NPAS3: variants seen among roughly 807,000 people sequenced by gnomAD.
NPAS3 encodes the protein neuronal PAS domain-containing protein 3.
Under a neutral mutation model 73.1 loss-of-function variants are expected in NPAS3, and 14 were observed. The observed-to-expected ratio is 0.19, with a 90% confidence interval of 0.13 to 0.30. The LOEUF (loss-of-function observed/expected upper bound fraction) is 0.30, where lower values mean the gene tolerates loss of function less well. Among genes scored for constraint, NPAS3 ranks in the 10% least tolerant of loss-of-function variants. The pLI, the probability that NPAS3 is intolerant of heterozygous loss-of-function variation, is 1.00. For missense variants in NPAS3, 1,096 were observed against 1,250.0 expected (o/e 0.88, Z 1.86); for synonymous variants, 620 against 541.5 (o/e 1.14, Z -2.01).
intron 4 of NPAS3, among the ~76,000 whole-genome samples, chr14:33,454,960 G>A (rs1257376881): frequency 2.0e-5 from 3 of 152,186 alleles, no homozygotes; most frequent in African/African-American, 7.2e-5. Context: ...TGGAGCTGGA[G>A]CAAGACCTGA....
At chr14:33,408,952 T>C (rs188655630) in intron 4 of NPAS3, among the ~76,000 whole-genome samples, 1 of 152,310 alleles carries the variant, frequency 6.6e-6, no homozygotes, top group Admixed American at 6.5e-5. Context: ...GATACAGAGC[T>C]TTATTTTTGG....
At position 33,694,592 on chromosome 14, in the gene NPAS3, C is replaced by T. The variant is rs938791312; in HGVS notation, c.733+18207C>T. 2.6e-4 allele frequency among the ~76,000 whole-genome samples: 39 copies of T among 152,060 alleles called. 1 individual carries two copies. Among genetic ancestry groups the T allele is most frequent in the African/African-American group, 8.0e-4 (33 of 41,404 alleles). The stretch of plus-strand genomic sequence containing the variant: ...CTTATTTCTTGGTGTCTTCACAGGT[C>T]GACCTGCCCTTTATTTTTTTACAAA... On this transcript the variant is annotated intron_variant, in intron 6 of 11. Coordinates refer to ENST00000356141, the Ensembl canonical transcript of NPAS3.
At chr14:33,613,077 G>A (rs1413893249) in intron 5 of NPAS3, among the ~76,000 whole-genome samples, 3 of 152,168 alleles carry the variant, frequency 2.0e-5, no homozygotes, top group Non-Finnish European at 2.9e-5. Context: ...AATTCAACAT[G>A]TATTTCAATG....
intron 3 of NPAS3, among the ~76,000 whole-genome samples, chr14:33,287,657 C>T (rs917735418): frequency 4.6e-5 from 7 of 152,202 alleles, no homozygotes; most frequent in African/African-American, 9.6e-5. Context: ...ATCTACATCA[C>T]GCTTTAAGTC....
intron 6 of NPAS3, among the ~76,000 whole-genome samples, chr14:33,705,316 T>G (rs1191570586): frequency 6.6e-6 from 1 of 152,188 alleles, no homozygotes; most frequent in African/African-American, 2.4e-5. Context: ...TCTACACAGT[T>G]AGTTCATTGG....
intron 1 of NPAS3, among the ~76,000 whole-genome samples, chr14:33,017,309 C>G (rs1410387998): frequency 6.6e-6 from 1 of 152,088 alleles, no homozygotes; most frequent in Non-Finnish European, 1.5e-5. Context: ...CCAGGCTAAC[C>G]TCATTTCCTT....
At position 33,502,629 on chromosome 14, in the gene NPAS3, T is replaced by A. The variant is rs755533182; in HGVS notation, c.469-57492T>A. Among the ~76,000 whole-genome samples, 549 of 150,008 alleles carry A rather than the reference T, an allele frequency of 3.7e-3. 1 individual carries two copies. The highest frequency in any genetic ancestry group is 0.01 in the Middle Eastern group (3 of 294). On this transcript the variant is annotated intron_variant, in intron 4 of 11. Transcript: ENST00000356141. ...ACCTCTGCTTACCCCTGTTATGAAG[T>A]AGTATTTTTGTTTTTCTTCTTCAAC...
chr14:33,626,780 C>G (rs1350307747), intron 5 of NPAS3, among the ~76,000 whole-genome samples: 1 of 152,032 alleles, frequency 6.6e-6, no homozygotes, highest in Non-Finnish European at 1.5e-5. Flanking sequence ...AGAAAAGAAA[C>G]CAAATACATC....
chr14:33,595,837 A>C (rs2057225212), intron 5 of NPAS3, among the ~76,000 whole-genome samples: 1 of 152,082 alleles, frequency 6.6e-6, no homozygotes, highest in Non-Finnish European at 1.5e-5. Flanking sequence ...CGCCTGGCTG[A>C]TTTTTTGTAT....
intron 1 of NPAS3, among the ~76,000 whole-genome samples, chr14:32,939,646 AAGAAAC>A (rs2035892045): frequency 6.7e-6 from 1 of 148,170 alleles, no homozygotes; most frequent in Non-Finnish European, 1.5e-5. Flanking sequence ...AAAAAGAAGA[AAGAAAC>A]AGAAAAGAGA....
intron 1 of NPAS3, among the ~76,000 whole-genome samples, chr14:33,019,251 G>A (rs1369854059): frequency 1.3e-5 from 2 of 152,172 alleles, no homozygotes; most frequent in African/African-American, 4.8e-5. Context: ...CACTCCACAG[G>A]CAATCAGCAT....
At chr14:33,144,426 G>A (rs767476109) in intron 2 of NPAS3, among the ~76,000 whole-genome samples, 3 of 152,150 alleles carry the variant, frequency 2.0e-5, no homozygotes, top group Admixed American at 6.5e-5. Context: ...CTTTTGTAAC[G>A]TTTTCATCAG....
intron 5 of NPAS3, among the ~76,000 whole-genome samples, chr14:33,586,842 C>T (rs1355555371): frequency 6.6e-6 from 1 of 152,158 alleles, no homozygotes; most frequent in Non-Finnish European, 1.5e-5. Context: ...TAAACCTGTA[C>T]TTAAGTGGAT....
At chr14:33,270,191 A>G (rs540365791) in intron 3 of NPAS3, among the ~76,000 whole-genome samples, 124 of 152,158 alleles carry the variant, frequency 8.1e-4, no homozygotes, top group Non-Finnish European at 1.2e-3. Context: ...ATAGCCTCCC[A>G]GACATTTCCA....
At position 33,081,144 on chromosome 14, in the gene NPAS3, A is replaced by G. The variant is rs184473156; in HGVS notation, c.140+25150A>G. Reference sequence around the variant, plus strand: ...TAACGTTTGTCCATAGAGCTCTATTATCAGATGATATTGGGCGTGTTCAGG... The same window carrying G: ...TAACGTTTGTCCATAGAGCTCTATTGTCAGATGATATTGGGCGTGTTCAGG... On this transcript the variant is annotated intron_variant, in intron 2 of 11. Coordinates refer to ENST00000356141, the Ensembl canonical transcript of NPAS3. Among the ~76,000 whole-genome samples, 51 of 152,268 alleles carry G rather than the reference A, an allele frequency of 3.3e-4. No individual in the cohort carries two copies. In the East Asian group the frequency reaches 8.5e-3, roughly 25 times the overall value.
At chr14:33,675,167 G>A (rs1287809410) in intron 5 of NPAS3, among the ~76,000 whole-genome samples, 1 of 152,154 alleles carries the variant, frequency 6.6e-6, no homozygotes, top group Non-Finnish European at 1.5e-5. Context: ...AAACCCATTA[G>A]TGACCTGGGA....
intron 3 of NPAS3, among the ~76,000 whole-genome samples, chr14:33,249,896 C>A (rs1156282295): frequency 6.8e-6 from 1 of 148,002 alleles, no homozygotes; most frequent in Non-Finnish European, 1.5e-5. Flanking sequence ...CGTTTGGAAG[C>A]AAATCTGTCA....
rs190058974 is a variant in NPAS3, at chr14:33,654,643, C to A, written c.559-21568C>A. Among the ~76,000 whole-genome samples, 3 of 152,254 alleles carry A rather than the reference C, an allele frequency of 2.0e-5. No individual in the cohort carries two copies. In the East Asian group the frequency reaches 5.8e-4, roughly 29 times the overall value. ...TATTGTTAAGTTTAAAAATTATAAACCATCTGCCTTCAAAGCATGTATAGA... is the reference window on the plus strand; with the variant it reads ...TATTGTTAAGTTTAAAAATTATAAAACATCTGCCTTCAAAGCATGTATAGA... On this transcript the variant is annotated intron_variant, in intron 5 of 11. Transcript: ENST00000356141.
chr14:33,541,118 T>TGC (rs776487239), intron 4 of NPAS3, among the ~76,000 whole-genome samples: 10 of 151,640 alleles, frequency 6.6e-5, no homozygotes, highest in Non-Finnish European at 1.3e-4. Context: ...TGTGTGTGTG[T>TGC]GTGTGTGTGC....
Sources: allele counts gnomAD v4.1 joint callset (sites outside exome capture counted in the v4.1 genomes callset), GRCh38; gene constraint gnomAD v4.1.1; transcripts MANE v1.5; gene names NCBI Gene and HGNC (gene_info 2026-07-23, HGNC 2026-07-21).